The following GOLM1 variants were observed in gnomAD, a reference collection of about 807,000 sequenced individuals.
GOLM1 encodes golgi membrane protein 1, also known as epididymis luminal protein 46.
In GOLM1, 31 loss-of-function variants were observed where a neutral mutation model predicts 50.5. The observed-to-expected ratio is 0.61, with a 90% confidence interval of 0.46 to 0.83. GOLM1 has a LOEUF of 0.83. GOLM1 is among the 40% of genes least tolerant of loss of function. The pLI, the probability that GOLM1 is intolerant of heterozygous loss-of-function variation, is 0.00. For synonymous variants in GOLM1, 178 were observed against 192.8 expected, an observed-to-expected ratio of 0.92 and a Z score of 0.64; for missense variants, 491 against 501.3, an observed-to-expected ratio of 0.98 and a Z score of 0.20.
intron 1 of GOLM1, among the ~76,000 whole-genome samples, chr9:86,086,083 C>G (rs1349265825): frequency 6.6e-6 from 1 of 152,206 alleles, no homozygotes; most frequent in East Asian, 1.9e-4. Flanking sequence ...AACTTACACT[C>G]CGACCAACAG....
chr9:86,086,413 G>A (rs1451042889), intron 1 of GOLM1, among the ~76,000 whole-genome samples: 1 of 151,966 alleles, frequency 6.6e-6, no homozygotes, highest in Non-Finnish European at 1.5e-5. Context: ...TCTGTAGGCT[G>A]CCTGTTCACT....
chr9:86,085,461 T>TG (rs556752044), intron 1 of GOLM1, among the ~76,000 whole-genome samples: 21 of 151,222 alleles, frequency 1.4e-4, no homozygotes, highest in Non-Finnish European at 3.1e-4. Context: ...TTGTTTTTTT[T>TG]TTTTTTTTTG....
intron 1 of GOLM1, chr9:86,079,568 C>T (rs971755322): frequency 1.1e-5 from 4 of 369,004 alleles, no homozygotes; most frequent in South Asian, 1.3e-4. Context: ...AGGACAGGCT[C>T]GGAGGAGCAG....
chr9:86,038,750 T>C (rs1833234042), intron 6 of GOLM1, among the ~76,000 whole-genome samples: 1 of 152,146 alleles, frequency 6.6e-6, no homozygotes, highest in South Asian at 2.1e-4. Flanking sequence ...CACACAAGAA[T>C]GAAGTGGGAG....
At chr9:86,054,684 T>C (rs978863625) in intron 3 of GOLM1, among the ~76,000 whole-genome samples, 6 of 152,094 alleles carry the variant, frequency 3.9e-5, no homozygotes, top group Non-Finnish European at 7.3e-5. Flanking sequence ...GAGAGCAAGT[T>C]CTTCAAAGCT....
chr9:86,095,836 G>C (rs1168572383), intron 1 of GOLM1, among the ~76,000 whole-genome samples: 3 of 152,220 alleles, frequency 2.0e-5, no homozygotes, highest in Non-Finnish European at 1.5e-5. Flanking sequence ...TGGATGCCAT[G>C]AAGTGATATT....
At chr9:86,038,864 T>A (rs1833237672) in intron 6 of GOLM1, among the ~76,000 whole-genome samples, 1 of 151,950 alleles carries the variant, frequency 6.6e-6, no homozygotes, top group Non-Finnish European at 1.5e-5. Flanking sequence ...AATGTAACAG[T>A]AAATCTTCAA....
At chr9:86,049,643 G>A (rs1564345611) in intron 4 of GOLM1, among the ~76,000 whole-genome samples, 1 of 152,180 alleles carries the variant, frequency 6.6e-6, no homozygotes, top group African/African-American at 2.4e-5. Context: ...TTGTGAATGG[G>A]AGTTCACTCA....
intron 5 of GOLM1, among the ~76,000 whole-genome samples, chr9:86,045,939 G>A (rs1450647368): frequency 6.6e-6 from 1 of 152,054 alleles, no homozygotes; most frequent in East Asian, 1.9e-4. Flanking sequence ...TTTATCCTCT[G>A]GCTTGCAAAC....
At chr9:86,040,902 G>C in intron 5 of GOLM1, 34 bp from the exon 6 acceptor site, 1 of 1,605,108 alleles carries the variant, frequency 6.2e-7, no homozygotes, top group South Asian at 1.1e-5. Flanking sequence ...AGGGCCTGAC[G>C]TCTATGACTG....
At chr9:86,031,925 CAAAAAAAAAAAA>C (rs1043805404) in intron 9 of GOLM1, among the ~76,000 whole-genome samples, 564 of 36,112 alleles carry the variant, frequency 0.016, 17 homozygotes, top group African/African-American at 0.051. Context: ...GACTCCATCT[CAAAAAAAAAAAA>C]AAAAAAAAAA....
In GOLM1 at chr9:86,065,264, A is replaced by G. The variant is rs563605265; in HGVS notation, c.309+12148T>C. Among the ~76,000 whole-genome samples, 7 of 152,318 alleles carry G rather than the reference A, an allele frequency of 4.6e-5. No individual in the cohort carries two copies. The South Asian group carries it at 1.4e-3, about 32-fold the overall frequency. On this transcript the variant is annotated intron_variant, in intron 3 of 9. Coordinates refer to ENST00000388712, the MANE Select transcript of GOLM1 (RefSeq NM_016548.4). ...TCATCTTTGTCCAGCACTCAATGGTAAATGTGCAATGAACACAGCCTCCCC... is the reference window on the plus strand; with the variant it reads ...TCATCTTTGTCCAGCACTCAATGGTGAATGTGCAATGAACACAGCCTCCCC...
Position 86,027,403 on chromosome 9 carries a change from A to G in GOLM1, c.*414T>C, listed in dbSNP as rs1832818294. ...ACAGGCTGGCACCAGCACTTGGTACAGCACGTGGACAGGACGACGGAACCC... is the reference window on the plus strand; with the variant it reads ...ACAGGCTGGCACCAGCACTTGGTACGGCACGTGGACAGGACGACGGAACCC... On this transcript the variant is annotated 3_prime_UTR_variant, in exon 10 of 10. Transcript: ENST00000388712. 1.0e-6 allele frequency: 1 copy of G among 1,000,618 alleles called. No individual in the cohort carries two copies. Among genetic ancestry groups the G allele is most frequent in the Non-Finnish European group, 1.2e-6 (1 of 840,156 alleles). The allele number at this position is 1,000,618 out of a possible 1,614,324, so 62.0% of individuals were successfully genotyped here.
At chr9:86,069,944 T>C (rs756427247) in intron 3 of GOLM1, among the ~76,000 whole-genome samples, 2 of 152,100 alleles carry the variant, frequency 1.3e-5, no homozygotes, top group Non-Finnish European at 2.9e-5. Flanking sequence ...AGTGCAGTAG[T>C]GCAGTCCTGG....
chr9:86,071,637 C>T (rs934091241), intron 3 of GOLM1, among the ~76,000 whole-genome samples: 9 of 151,658 alleles, frequency 5.9e-5, no homozygotes, highest in African/African-American at 1.9e-4. Flanking sequence ...CGTGCCACTG[C>T]ACTCCAGCCT....
In GOLM1 at chr9:86,077,536, G is replaced by A; in HGVS notation, c.185C>T (p.Ala62Val). The A allele has an allele frequency of 1.9e-6, 3 of 1,613,474 alleles. No homozygotes were observed. Among genetic ancestry groups the A allele is most frequent in the Non-Finnish European group, 2.5e-6 (3 of 1,179,418 alleles). Residue 62 changes from alanine to valine, a missense_variant, in exon 3 of 10, where the codon GCC becomes GTC. Ala to Val is a moderately conservative substitution (Grantham distance 64). Transcript: ENST00000388712. ...RVRRAAAERG[A>V]VELKKNEFQG... Reference sequence around the variant, plus strand: ...GAACTCGTTCTTCTTCAGCTCCACGGCGCCTCTCTCTGCAGCCGCCCTGCG... The same window carrying A: ...GAACTCGTTCTTCTTCAGCTCCACGACGCCTCTCTCTGCAGCCGCCCTGCG...
intron 1 of GOLM1, among the ~76,000 whole-genome samples, chr9:86,095,410 C>CT (rs529708521): frequency 9.3e-4 from 121 of 130,790 alleles, no homozygotes; most frequent in East Asian, 1.0e-3. Context: ...TGTATTTTCC[C>CT]TTTTTTTTTT....
intron 1 of GOLM1, among the ~76,000 whole-genome samples, chr9:86,083,829 G>C (rs937013567): frequency 6.6e-6 from 1 of 152,168 alleles, no homozygotes; most frequent in Non-Finnish European, 1.5e-5. Flanking sequence ...AAAACTCAGA[G>C]AAAGTTTTAA....
chr9:86,083,267 TA>T (rs1554675058), intron 1 of GOLM1, among the ~76,000 whole-genome samples: 1 of 152,240 alleles, frequency 6.6e-6, no homozygotes, highest in Non-Finnish European at 1.5e-5. Flanking sequence ...AGATTACTTA[TA>T]ATACTTAGTA....
Sources: gnomAD v4.1 joint callset for allele counts (sites outside exome capture counted in the v4.1 genomes callset) on GRCh38, gnomAD v4.1.1 for gene constraint, MANE v1.5 for transcripts, NCBI Gene and HGNC (gene_info 2026-07-23, HGNC 2026-07-21) for gene names.